SV2B: variants seen among roughly 807,000 people sequenced by gnomAD.
The protein encoded by SV2B is synaptic vesicle glycoprotein 2B.
In SV2B, 41 loss-of-function variants were observed where a neutral mutation model predicts 73.9. The ratio of observed to expected loss-of-function variants is 0.56; its 90% CI spans 0.43 to 0.72. The LOEUF is 0.72. Ranked by LOEUF, SV2B falls within the 30% of genes least tolerant of loss-of-function variation. SV2B has a pLI of 0.00. For missense variants in SV2B, 764 were observed against 857.8 expected, an observed-to-expected ratio of 0.89 and a Z score of 1.37; for synonymous variants, 314 against 314.2, an observed-to-expected ratio of 1.00 and a Z score of 0.01.
At chr15:91,167,963 C>T (rs373224771) in intron 1 of SV2B, among the ~76,000 whole-genome samples, 9 of 152,016 alleles carry the variant, frequency 5.9e-5, no homozygotes, top group Admixed American at 1.3e-4. Flanking sequence ...TTAATTTTCA[C>T]GGCCTTTGTG....
Position 91,197,749 on chromosome 15 carries a change from T to C in SV2B, c.-391-28124T>C, listed in dbSNP as rs73507007. Among the ~76,000 whole-genome samples the C allele has an allele frequency of 0.035, 5,280 of 152,020 alleles. 294 individuals are homozygous for C. The highest frequency in any genetic ancestry group is 0.12 in the African/African-American group (4,879 of 41,460). ...CTTGCTATATAAAGTTTAAAAAATA[T>C]GCAGCCAGGCCCGGTGGCCCACGCC... On this transcript the variant is annotated intron_variant, in intron 1 of 12. Coordinates refer to ENST00000394232, the MANE Select transcript of SV2B (RefSeq NM_001323032.3). The surrounding 1 kb of genome is among the most constrained non-coding windows in gnomAD (Gnocchi z 4.9).
In SV2B at chr15:91,261,093, T is replaced by C. The variant is rs2047895541; in HGVS notation, c.1008+684T>C. ...CTGGCCAACATGGCAAAACCCCATG[T>C]CTACTAAAAATACAAAAAAATCAGC... is the stretch of plus-strand genomic sequence containing the variant. On this transcript the variant is annotated intron_variant, in intron 6 of 12. Coordinates refer to ENST00000394232, the MANE Select transcript of SV2B (RefSeq NM_001323032.3). This position sits in a 1 kb window ranked among gnomAD's most constrained non-coding sequence, Gnocchi z 4.7. Among the ~76,000 whole-genome samples the C allele has an allele frequency of 6.6e-6, 1 of 152,108 alleles. No homozygotes were observed. Among genetic ancestry groups the C allele is most frequent in the Non-Finnish European group, 1.5e-5 (1 of 68,002 alleles).
rs571599081 is a variant in SV2B at position 91,141,161 on chromosome 15, C to T, written c.-392+40798C>T. 2.8e-4 allele frequency among the ~76,000 whole-genome samples: 43 copies of T among 152,282 alleles called. 1 individual carries two copies. In the South Asian group the frequency reaches 8.5e-3, roughly 30 times the overall value. On this transcript the variant is annotated intron_variant, in intron 1 of 12. Coordinates refer to ENST00000394232, the MANE Select transcript of SV2B (RefSeq NM_001323032.3). The surrounding 1 kb of genome is among the most constrained non-coding windows in gnomAD (Gnocchi z 4.6). ...AGTAGCCCTTTCTTCCACCCCATTC[C>T]CACAGGATTTTCTTCGGTAGGTCTG...
At chr15:91,198,216 T>TTA (rs2045322649) in intron 1 of SV2B, among the ~76,000 whole-genome samples, 1 of 152,106 alleles carries the variant, frequency 6.6e-6, no homozygotes, top group African/African-American at 2.4e-5. Context: ...AGGAAGCCAA[T>TTA]GTTAAGATTA....
At position 91,245,397 on chromosome 15, in the gene SV2B, G is replaced by T. The variant is rs958759096; in HGVS notation, c.452-6422G>T. Among the ~76,000 whole-genome samples, 1 of 152,170 alleles carries T rather than the reference G, an allele frequency of 6.6e-6. No individual in the cohort carries two copies. The highest frequency in any genetic ancestry group is 6.5e-5 in the Admixed American group (1 of 15,282). On this transcript the variant is annotated intron_variant, in intron 2 of 12. Transcript: ENST00000394232. This position sits in a 1 kb window ranked among gnomAD's most constrained non-coding sequence, Gnocchi z 4.2. ...CTTTCGAGACAGAAAGATTTCTATCGTGTAAATACAGTATGTAGTTATACA... is the reference window on the plus strand; with the variant it reads ...CTTTCGAGACAGAAAGATTTCTATCTTGTAAATACAGTATGTAGTTATACA...
In SV2B at chr15:91,224,445, T is replaced by G. The variant is rs1008229335; in HGVS notation, c.-391-1428T>G. Among the ~76,000 whole-genome samples the G allele has an allele frequency of 1.3e-5, 2 of 152,160 alleles. No individual in the cohort carries two copies. Among genetic ancestry groups the G allele is most frequent in the African/African-American group, 4.8e-5 (2 of 41,440 alleles). ...GGGCTGACGCCTAGCCCTGAGGGGC[T>G]ACTCAGTGAGGCGGGGCCTCAGAGC... On this transcript the variant is annotated intron_variant, in intron 1 of 12. Transcript: ENST00000394232. This position sits in a 1 kb window ranked among gnomAD's most constrained non-coding sequence, Gnocchi z 4.9.
At chr15:91,217,268 T>C (rs1226291467) in intron 1 of SV2B, among the ~76,000 whole-genome samples, 1 of 152,222 alleles carries the variant, frequency 6.6e-6, no homozygotes, top group Non-Finnish European at 1.5e-5. Context: ...CAAAGATAAG[T>C]AAAATTCAGT....
Position 91,251,917 on chromosome 15 carries a change from G to A in SV2B, c.550G>A (p.Val184Ile), listed in dbSNP as rs143979505. 88 of 1,614,026 alleles carry A rather than the reference G, an allele frequency of 5.5e-5. 1 individual carries two copies. Among genetic ancestry groups the A allele is most frequent in the Middle Eastern group, 1.6e-4 (1 of 6,084 alleles). ...RKRVLSMSLA[V>I]NASFASLSSF... is the part of the protein sequence containing the mutation. ...GCGAGTCCTCAGCATGTCTCTGGCC[G>A]TCAATGCCTCCTTCGCCTCCCTCTC... The change falls in exon 3 of 13, where the codon GTC becomes ATC. Residue 184 changes from valine (V) to isoleucine (I), a missense_variant. Coordinates refer to ENST00000394232, the MANE Select transcript of SV2B (RefSeq NM_001323032.3).
chr15:91,235,444 A>G (rs1318974608), intron 2 of SV2B, among the ~76,000 whole-genome samples: 1 of 120,462 alleles, frequency 8.3e-6, no homozygotes, highest in East Asian at 1.9e-4. Flanking sequence ...CAATGAATAG[A>G]AATAAGTTTT....
At chr15:91,180,996 G>A (rs2044531922) in intron 1 of SV2B, among the ~76,000 whole-genome samples, 1 of 152,138 alleles carries the variant, frequency 6.6e-6, no homozygotes, top group Non-Finnish European at 1.5e-5. Flanking sequence ...CATTTTTTCT[G>A]CTCTGTTTTT....
At chr15:91,138,913 T>C (rs1238722501) in intron 1 of SV2B, among the ~76,000 whole-genome samples, 2 of 152,136 alleles carry the variant, frequency 1.3e-5, no homozygotes, top group Admixed American at 6.5e-5. Context: ...GAAACATAAA[T>C]TATTAAAGAA....
intron 1 of SV2B, among the ~76,000 whole-genome samples, chr15:91,180,672 C>T (rs2044515816): frequency 6.6e-6 from 1 of 152,204 alleles, no homozygotes; most frequent in African/African-American, 2.4e-5. Flanking sequence ...CCCTTTCTTC[C>T]AGTTGATCGC....
rs745644686 is a variant in SV2B, at chr15:91,281,833, C to G, written c.1479C>G (p.Thr493=). ...CAGATACCTACTTCAAAAATTGTACCATTGAATCAACCATCTTTTACAACA... is the reference window on the plus strand; with the variant it reads ...CAGATACCTACTTCAAAAATTGTACGATTGAATCAACCATCTTTTACAACA... ...TSTDTYFKNC[T]IESTIFYNTD... The change falls in exon 10 of 13, where the codon ACC becomes ACG. Residue 493 remains threonine, a synonymous_variant. Coordinates refer to ENST00000394232, the MANE Select transcript of SV2B (RefSeq NM_001323032.3). The surrounding 1 kb of genome is among the most constrained non-coding windows in gnomAD (Gnocchi z 4.7). 6.8e-6 allele frequency: 11 copies of G among 1,612,252 alleles called. No homozygotes were observed. The highest frequency in any genetic ancestry group is 1.3e-5 in the African/African-American group (1 of 74,794).
At chr15:91,215,430 G>A (rs2045992009) in intron 1 of SV2B, among the ~76,000 whole-genome samples, 1 of 152,132 alleles carries the variant, frequency 6.6e-6, no homozygotes, top group African/African-American at 2.4e-5. Context: ...CTCTCCTGCA[G>A]GTGGTTTAAG....
At chr15:91,175,917 T>G (rs1319983698) in intron 1 of SV2B, among the ~76,000 whole-genome samples, 4 of 151,944 alleles carry the variant, frequency 2.6e-5, no homozygotes, top group Admixed American at 1.3e-4. Context: ...ACTTTAAGTT[T>G]TAGGGTACAT....
intron 2 of SV2B, among the ~76,000 whole-genome samples, chr15:91,243,319 G>T (rs762689852): frequency 4.0e-4 from 61 of 152,178 alleles, no homozygotes; most frequent in Non-Finnish European, 8.2e-4. Context: ...ATTCTGGATT[G>T]GAGGCACCAA....
At position 91,239,653 on chromosome 15, in the gene SV2B, T is replaced by C. The variant is rs548113101; in HGVS notation, c.452-12166T>C. On this transcript the variant is annotated intron_variant, in intron 2 of 12. Transcript: ENST00000394232. This position sits in a 1 kb window ranked among gnomAD's most constrained non-coding sequence, Gnocchi z 5.1. ...GGGATGATTATTTAAACCAATCAGA[T>C]AGAGTCTTTCATTAGTATGGTTTCT... Among the ~76,000 whole-genome samples, 1 of 152,292 alleles carries C rather than the reference T, an allele frequency of 6.6e-6. No individual in the cohort carries two copies. Among genetic ancestry groups the C allele is most frequent in the East Asian group, 1.9e-4 (1 of 5,182 alleles).
chr15:91,277,693 A>G (rs1263878969), intron 9 of SV2B, among the ~76,000 whole-genome samples: 3 of 152,204 alleles, frequency 2.0e-5, no homozygotes, highest in Admixed American at 1.3e-4. Flanking sequence ...TATTTTGTCT[A>G]TCCATTTACC....
At chr15:91,111,201 C>T (rs1047061238) in intron 1 of SV2B, among the ~76,000 whole-genome samples, 2 of 152,190 alleles carry the variant, frequency 1.3e-5, no homozygotes, top group Non-Finnish European at 2.9e-5. Context: ...CTAGTCCTAT[C>T]AGGTTTCTCA....
Sources: allele counts gnomAD v4.1 joint callset (sites outside exome capture counted in the v4.1 genomes callset), GRCh38; gene constraint gnomAD v4.1.1; non-coding constraint Gnocchi (gnomAD v3.1); transcripts MANE v1.5; gene names NCBI Gene and HGNC (gene_info 2026-07-23, HGNC 2026-07-21).